Variants in TCF3 observed in about 807,000 individuals in gnomAD.
The protein encoded by TCF3 is transcription factor 3.
A neutral mutation model predicts 72.3 loss-of-function variants in TCF3; 54 were observed. The observed-to-expected ratio is 0.75, with a 90% CI of 0.60 to 0.94. The LOEUF (loss-of-function observed/expected upper bound fraction) is 0.94, where lower values mean the gene tolerates loss of function less well. TCF3 is among the 40% of genes least tolerant of loss of function. The pLI, the probability that TCF3 is intolerant of heterozygous loss-of-function variation, is 0.00. For missense variants in TCF3, 1,078 were observed against 934.4 expected, an observed-to-expected ratio of 1.15 and a Z score of -2.00; for synonymous variants, 525 against 412.6, an observed-to-expected ratio of 1.27 and a Z score of -3.30.
chr19:1,619,219 G>C lies in TCF3; in HGVS notation c.1342C>G (p.Pro448Ala), dbSNP rs879255378. The C allele has an allele frequency of 1.3e-5, 21 of 1,596,542 alleles. No homozygotes were observed. In the Admixed American group the frequency reaches 2.7e-4, roughly 20 times the overall value. The change falls in exon 16 of 19, where the codon CCC (proline) becomes GCC (alanine). Residue 448 changes from proline to alanine, a missense_variant. Transcript: ENST00000262965. ...RHAGLVGGSH[P>A]EDGLAGSTSL... ...GTGCTGCCTGCGAGGCCGTCCTCGG[G>C]GTGGCTGCCTCCAACCTGCAGGCGT...
chr19:1,625,461 C>G, intron 7 of TCF3, 115 bp downstream of exon 7: 1 of 1,293,862 alleles, frequency 7.7e-7, no homozygotes, highest in Non-Finnish European at 1.0e-6. Context: ...CCAGCCAGGA[C>G]CTGGAAGGTG....
In TCF3 at chr19:1,614,734, G is replaced by A. The variant is rs569610167; in HGVS notation, c.1822+551C>T. On this transcript the variant is annotated intron_variant, in intron 18 of 18. Coordinates refer to ENST00000262965, the MANE Select transcript of TCF3 (RefSeq NM_003200.5). The surrounding 1 kb of genome is among the most constrained non-coding windows in gnomAD (Gnocchi z 5.6). ...ACATCTGCGGGTGGGGACAGGGTCT[G>A]TCTGTATCCTTCCTCCCCCTGGCCC... Among the ~76,000 whole-genome samples the A allele has an allele frequency of 3.9e-5, 6 of 152,222 alleles. No homozygotes were observed. The East Asian group carries it at 9.7e-4, about 25-fold the overall frequency.
At chr19:1,633,009 C>G (rs1411395205) in intron 3 of TCF3, among the ~76,000 whole-genome samples, 1 of 151,586 alleles carries the variant, frequency 6.6e-6, no homozygotes, top group African/African-American at 2.4e-5. Flanking sequence ...CACCCAGGAA[C>G]AAGCCCAGTG....
chr19:1,633,721 C>A (rs1278937919), intron 3 of TCF3, among the ~76,000 whole-genome samples: 1 of 152,120 alleles, frequency 6.6e-6, no homozygotes, highest in East Asian at 1.9e-4. Context: ...GGGGGCCAGG[C>A]AGGGGGCTCC....
At chr19:1,626,445 T>C (rs1568400167) in intron 6 of TCF3, among the ~76,000 whole-genome samples, 1 of 149,536 alleles carries the variant, frequency 6.7e-6, no homozygotes, top group Non-Finnish European at 1.5e-5. Context: ...CGAAACTCCG[T>C]CTCAAAAAAA....
chr19:1,622,331 C>A lies in TCF3; in HGVS notation c.634G>T (p.Ala212Ser). 1 of 1,410,434 alleles carries A rather than the reference C, an allele frequency of 7.1e-7. No homozygotes were observed. Among genetic ancestry groups the A allele is most frequent in the East Asian group, 3.1e-5 (1 of 31,900 alleles). 87.4% of individuals were successfully genotyped at this position (1,410,434 alleles called of 1,614,324 possible). A position where few individuals can be genotyped will look rare whatever the true frequency, so the allele number is the denominator to read the frequency against. ...SAKTPSSTYP[A>S]PFYVADGSLH... ...CATGTACCTGCCACGTAGAAGGGGG[C>A]GGGATAGGTGCTGCTGGGGGTCTTG... is the stretch of plus-strand genomic sequence containing the variant. The change falls in exon 9 of 19, where the codon GCC becomes TCC. Residue 212 changes from alanine to serine, a missense_variant. Ala to Ser is a moderately conservative substitution (Grantham distance 99, BLOSUM62 1). Transcript: ENST00000262965.
rs554439572 is a variant in TCF3, at chr19:1,611,373, G to GAA, written c.*332_*333dup. On this transcript the variant is annotated 3_prime_UTR_variant, in exon 19 of 19. Coordinates refer to ENST00000262965, the MANE Select transcript of TCF3 (RefSeq NM_003200.5). ...GCTTGCTTTCAGGTTTTGTTTACTG[G>GAA]AAAAAAAAAAAATGCTCCTGTCAGC... is the stretch of plus-strand genomic sequence containing the variant. 23 of 353,432 alleles carry GAA rather than the reference G, an allele frequency of 6.5e-5. No individual in the cohort carries two copies. Among genetic ancestry groups the GAA allele is most frequent in the South Asian group, 1.5e-4 (1 of 6,886 alleles). The allele number at this position is 353,432 out of a possible 1,614,324, so 21.9% of individuals were successfully genotyped here.
chr19:1,637,956 G>C (rs978852695), intron 3 of TCF3, among the ~76,000 whole-genome samples: 11 of 152,048 alleles, frequency 7.2e-5, no homozygotes, highest in Admixed American at 5.9e-4. Flanking sequence ...ACCCAACATG[G>C]AACAAAAAGG....
At chr19:1,634,452 G>C (rs1392941599) in intron 3 of TCF3, among the ~76,000 whole-genome samples, 1 of 152,240 alleles carries the variant, frequency 6.6e-6, no homozygotes, top group Non-Finnish European at 1.5e-5. Flanking sequence ...AGGGGCGCTG[G>C]GGAGAGGGCC....
At chr19:1,630,689 C>T (rs1202541555) in intron 5 of TCF3, among the ~76,000 whole-genome samples, 1 of 152,170 alleles carries the variant, frequency 6.6e-6, no homozygotes, top group Non-Finnish European at 1.5e-5. Flanking sequence ...GGAAGGATCC[C>T]GCATCCCAGG....
At position 1,620,079 on chromosome 19, in the gene TCF3, C is replaced by T. The variant is rs549807608; in HGVS notation, c.1094-226G>A. 3.2e-4 allele frequency among the ~76,000 whole-genome samples: 48 copies of T among 152,286 alleles called. 1 individual carries two copies. Among genetic ancestry groups the T allele is most frequent in the Middle Eastern group, 3.4e-3 (1 of 294 alleles). On this transcript the variant is annotated intron_variant, in intron 13 of 18. Coordinates refer to ENST00000262965, the MANE Select transcript of TCF3 (RefSeq NM_003200.5). ...CATTCCTATCTCTGAGCCTCAGTTTCCCCATCTACAAAATCCAACTCCCCA... is the reference window on the plus strand; with the variant it reads ...CATTCCTATCTCTGAGCCTCAGTTTTCCCATCTACAAAATCCAACTCCCCA...
chr19:1,619,326 T>C lies in TCF3; in HGVS notation c.1316A>G (p.His439Arg). The change falls in exon 15 of 19, where the codon CAC becomes CGC. Residue 439 changes from histidine (H) to arginine (R), a missense_variant. Coordinates refer to ENST00000262965, the MANE Select transcript of TCF3 (RefSeq NM_003200.5). ...TCGCCCAGCGCTCACCAGGCCTGCG[T>C]GCCGCCCGCCCAGTGACATGGGGCC... ...FTGPMSLGGR[H>R]AGLVGGSHPE... 1 of 1,575,174 alleles carries C rather than the reference T, an allele frequency of 6.3e-7. No individual in the cohort carries two copies. The highest frequency in any genetic ancestry group is 8.6e-7 in the Non-Finnish European group (1 of 1,166,386).
rs777020641 is a variant in TCF3, at chr19:1,615,498, G to T, written c.1609C>A (p.Leu537Ile). 6.2e-7 allele frequency: 1 copy of T among 1,609,844 alleles called. No homozygotes were observed. The highest frequency in any genetic ancestry group is 8.5e-7 in the Non-Finnish European group (1 of 1,179,782). Residue 537 changes from leucine (L) to isoleucine (I), a missense_variant, in exon 18 of 19, where the codon CTT (leucine) becomes ATT (isoleucine). Physicochemically the swap from Leu to Ile is conservative, Grantham distance 5. Coordinates refer to ENST00000262965, the MANE Select transcript of TCF3 (RefSeq NM_003200.5). The surrounding 1 kb of genome is among the most constrained non-coding windows in gnomAD (Gnocchi z 7.3). Reference protein sequence around the residue: ...RTSPDEDEDDLLPPEQKAERE... With the variant: ...RTSPDEDEDDILPPEQKAERE... ...TCGGCCTTCTGCTCTGGGGGGAGAAGGTCGTCCTCGTCCTCGTCTGGGCTA... is the reference window on the plus strand; with the variant it reads ...TCGGCCTTCTGCTCTGGGGGGAGAATGTCGTCCTCGTCCTCGTCTGGGCTA...
chr19:1,625,747 A>T (rs2062803323), intron 6 of TCF3, 39 bp from the exon 7 acceptor site: 2 of 1,466,274 alleles, frequency 1.4e-6, no homozygotes, highest in Non-Finnish European at 1.8e-6. Flanking sequence ...CCCAGCTGGC[A>T]TCCAGACCCC....
At chr19:1,617,774 G>A (rs1005432720) in intron 16 of TCF3, among the ~76,000 whole-genome samples, 3 of 152,222 alleles carry the variant, frequency 2.0e-5, no homozygotes, top group Non-Finnish European at 4.4e-5. Flanking sequence ...TGACCTGTGG[G>A]TCCGGACCCT....
At chr19:1,621,331 AC>A (rs2062178624) in intron 11 of TCF3, 140 bp from the exon 12 acceptor site, 1 of 1,029,356 alleles carries the variant, frequency 9.7e-7, no homozygotes, top group Non-Finnish European at 1.4e-6. Context: ...TTTCTGTCTG[AC>A]CCCCTGAAAC....
chr19:1,621,923 T>C lies in TCF3; in HGVS notation c.870A>G (p.Ala290=), dbSNP rs1484552955. The part of the protein sequence containing the change: ...GAEVNGGLPS[A]SSFSSAPGAT... Reference sequence around the variant, plus strand: ...CTCCGGGGGCTGAGGAGAAGGAGGATGCAGATGGGAGCCCACCGTTCACCT... The same window carrying C: ...CTCCGGGGGCTGAGGAGAAGGAGGACGCAGATGGGAGCCCACCGTTCACCT... Residue 290 remains alanine (A), a synonymous_variant, in exon 11 of 19, where the codon GCA becomes GCG. Transcript: ENST00000262965. 13 of 1,604,342 alleles carry C rather than the reference T, an allele frequency of 8.1e-6. No individual in the cohort carries two copies. Among genetic ancestry groups the C allele is most frequent in the African/African-American group, 2.7e-5 (2 of 74,796 alleles).
rs112793810 is a variant in TCF3, at chr19:1,609,673, G to C, written c.*2034C>G. The C allele has an allele frequency of 4.4e-6, 1 of 225,754 alleles. No homozygotes were observed. Among genetic ancestry groups the C allele is most frequent in the East Asian group, 6.4e-5 (1 of 15,646 alleles). The allele number at this position is 225,754 out of a possible 1,614,324, so 14.0% of individuals were successfully genotyped here. ...AAGAGATCAAACTCCCAGGGCGTAG[G>C]GGAAGCCACCGAGAAGGGAGAGGCA... is the stretch of plus-strand genomic sequence containing the variant. On this transcript the variant is annotated 3_prime_UTR_variant, in exon 19 of 19. Transcript: ENST00000262965.
chr19:1,624,140 G>T, intron 7 of TCF3, 140 bp from the exon 8 acceptor site: 1 of 745,440 alleles, frequency 1.3e-6, no homozygotes, highest in Non-Finnish European at 2.2e-6. Flanking sequence ...CCTCATGCCT[G>T]TAATACCAGG....
Sources: allele counts gnomAD v4.1 joint callset (sites outside exome capture counted in the v4.1 genomes callset), GRCh38; gene constraint gnomAD v4.1.1; non-coding constraint Gnocchi (gnomAD v3.1); transcripts MANE v1.5; gene names NCBI Gene and HGNC (gene_info 2026-07-23, HGNC 2026-07-21).